Variants in GALNTL6 observed in about 807,000 individuals in gnomAD.
The protein encoded by GALNTL6 is polypeptide N-acetylgalactosaminyltransferase-like 6.
Under a neutral mutation model 73.7 loss-of-function variants are expected in GALNTL6, and 46 were observed. The observed-to-expected ratio is 0.62, with a 90% CI of 0.49 to 0.80. GALNTL6 has a LOEUF of 0.80. Ranked by LOEUF, GALNTL6 falls within the 30% of genes least tolerant of loss-of-function variation. The pLI, the probability that GALNTL6 is intolerant of heterozygous loss-of-function variation, is 0.00. For synonymous variants in GALNTL6, 259 were observed against 263.7 expected (o/e 0.98, Z 0.17); for missense variants, 604 against 755.0 (o/e 0.80, Z 2.34).
chr4:172,822,058 TCCCTCTC>T (rs1741962244), intron 7 of GALNTL6, among the ~76,000 whole-genome samples: 1 of 152,194 alleles, frequency 6.6e-6, no homozygotes, highest in African/African-American at 2.4e-5. Context: ...GCTTCTTTCT[TCCCTCTC>T]CCTATGGGTG....
chr4:171,819,156 C>T lies in GALNTL6; in HGVS notation c.138+4438C>T, dbSNP rs561502260. Among the ~76,000 whole-genome samples the T allele has an allele frequency of 3.3e-5, 5 of 152,106 alleles. No homozygotes were observed. In the East Asian group the frequency reaches 9.7e-4, roughly 29 times the overall value. On this transcript the variant is annotated intron_variant, in intron 2 of 12. Transcript: ENST00000506823. ...TATCAATACACTAGATATGAAAGGA[C>T]ACATTAGTTTGAGCCACAGTGGTCT...
At chr4:173,035,093 TTTC>T (rs1753631928) in intron 12 of GALNTL6, among the ~76,000 whole-genome samples, 2 of 138,138 alleles carry the variant, frequency 1.4e-5, no homozygotes, top group South Asian at 4.1e-4. Flanking sequence ...ACTACAAACA[TTTC>T]TTTTTTTTTT....
intron 5 of GALNTL6, among the ~76,000 whole-genome samples, chr4:172,735,913 T>C (rs554867175): frequency 6.6e-6 from 1 of 152,310 alleles, no homozygotes; most frequent in Non-Finnish European, 1.5e-5. Flanking sequence ...GGTTCCGTGA[T>C]GCCCCTTGAG....
intron 5 of GALNTL6, among the ~76,000 whole-genome samples, chr4:172,434,597 G>A (rs908239699): frequency 5.3e-5 from 8 of 151,872 alleles, no homozygotes; most frequent in South Asian, 2.1e-4. Context: ...CTTTATCACC[G>A]CCTAATTAAA....
chr4:172,160,895 C>CACACACACACACACAT (rs1188055933), intron 2 of GALNTL6, among the ~76,000 whole-genome samples: 1 of 57,760 alleles, frequency 1.7e-5, no homozygotes, highest in Non-Finnish European at 4.0e-5. Flanking sequence ...TATATAGACA[C>CACACACACACACACAT]ACACACACAC....
intron 2 of GALNTL6, among the ~76,000 whole-genome samples, chr4:171,986,274 A>AG (rs1182937067): frequency 2.7e-5 from 4 of 148,966 alleles, no homozygotes; most frequent in Admixed American, 1.3e-4. Context: ...TTACAGTCAA[A>AG]GGGGGGGTGT....
intron 5 of GALNTL6, among the ~76,000 whole-genome samples, chr4:172,423,020 T>G (rs1048773438): frequency 6.6e-6 from 1 of 151,792 alleles, no homozygotes; most frequent in African/African-American, 2.4e-5. Context: ...TACCTATACC[T>G]GTAGAAATCT....
intron 5 of GALNTL6, among the ~76,000 whole-genome samples, chr4:172,711,062 T>A (rs901337545): frequency 5.3e-5 from 8 of 152,104 alleles, no homozygotes; most frequent in African/African-American, 1.9e-4. Flanking sequence ...AAATGTGTAA[T>A]ATAAAAGAAT....
chr4:172,391,070 C>T (rs1320935951), intron 5 of GALNTL6, among the ~76,000 whole-genome samples: 2 of 152,200 alleles, frequency 1.3e-5, no homozygotes, highest in Non-Finnish European at 1.5e-5. Flanking sequence ...AACCATCATA[C>T]TCAAATTTCA....
intron 5 of GALNTL6, among the ~76,000 whole-genome samples, chr4:172,632,130 T>C (rs1473058471): frequency 6.6e-6 from 1 of 152,218 alleles, no homozygotes; most frequent in African/African-American, 2.4e-5. Flanking sequence ...CCACTTTTCT[T>C]TATAAATTAC....
chr4:172,492,978 G>GT (rs1334972598), intron 5 of GALNTL6, among the ~76,000 whole-genome samples: 3 of 152,150 alleles, frequency 2.0e-5, no homozygotes, highest in African/African-American at 7.2e-5. Context: ...CCCATGCTTG[G>GT]TGGGAGAATT....
chr4:172,389,261 T>G (rs1743579548), intron 5 of GALNTL6, among the ~76,000 whole-genome samples: 1 of 151,830 alleles, frequency 6.6e-6, no homozygotes, highest in African/African-American at 2.4e-5. Flanking sequence ...ATTAACTATG[T>G]CTAATTCAAA....
chr4:172,294,945 C>A (rs1316503647), intron 3 of GALNTL6, among the ~76,000 whole-genome samples: 1 of 152,128 alleles, frequency 6.6e-6, no homozygotes, highest in Admixed American at 6.5e-5. Flanking sequence ...TTATTGATTT[C>A]ATTCATAGCA....
At chr4:171,824,356 C>A (rs1396285220) in intron 2 of GALNTL6, among the ~76,000 whole-genome samples, 1 of 151,888 alleles carries the variant, frequency 6.6e-6, no homozygotes, top group Non-Finnish European at 1.5e-5. Flanking sequence ...GTGTTAGTTC[C>A]AGTTCCATTA....
chr4:171,950,181 A>C (rs1031346283), intron 2 of GALNTL6, among the ~76,000 whole-genome samples: 11 of 152,218 alleles, frequency 7.2e-5, no homozygotes, highest in Admixed American at 5.9e-4. Context: ...CAGTCAACTT[A>C]GAATTGTATA....
intron 11 of GALNTL6, among the ~76,000 whole-genome samples, chr4:173,014,699 T>A (rs1348680737): frequency 6.6e-6 from 1 of 152,020 alleles, no homozygotes; most frequent in Non-Finnish European, 1.5e-5. Flanking sequence ...AAATAAAACA[T>A]CACAATCCAG....
intron 2 of GALNTL6, among the ~76,000 whole-genome samples, chr4:171,911,420 G>A (rs1344318568): frequency 6.6e-6 from 1 of 152,204 alleles, no homozygotes; most frequent in Non-Finnish European, 1.5e-5. Flanking sequence ...CCAAAGTGCT[G>A]GGATTACAGG....
intron 7 of GALNTL6, among the ~76,000 whole-genome samples, chr4:172,844,447 A>T (rs547470678): frequency 3.7e-4 from 57 of 152,338 alleles, no homozygotes; most frequent in African/African-American, 1.3e-3. Flanking sequence ...GCAGAGCTCG[A>T]GCACAAACTC....
At chr4:172,797,134 AT>A (rs749327402) in intron 5 of GALNTL6, among the ~76,000 whole-genome samples, 13 of 152,342 alleles carry the variant, frequency 8.5e-5, no homozygotes, top group Non-Finnish European at 1.6e-4. Flanking sequence ...CATGAGTCAG[AT>A]ACTTTTAAAC....
Sources: allele counts gnomAD v4.1 joint callset (sites outside exome capture counted in the v4.1 genomes callset), GRCh38; gene constraint gnomAD v4.1.1; transcripts MANE v1.5; gene names NCBI Gene and HGNC (gene_info 2026-07-23, HGNC 2026-07-21).